Variants in ARAP2 observed in about 807,000 individuals in gnomAD.
ARAP2 encodes the protein ArfGAP with RhoGAP domain, ankyrin repeat and PH domain 2, also known as arf-GAP with Rho-GAP domain, ANK repeat and PH domain-containing protein 2.
Under a neutral mutation model 194.5 loss-of-function variants are expected in ARAP2, and 148 were observed. That is an observed-to-expected ratio of 0.76 (90% CI 0.67 to 0.87). The LOEUF is 0.87. ARAP2 is among the 40% of genes least tolerant of loss of function. The pLI, the probability that ARAP2 is intolerant of heterozygous loss-of-function variation, is 0.00. For missense variants in ARAP2, 2,128 were observed against 1,989.7 expected, an observed-to-expected ratio of 1.07 and a Z score of -1.32; for synonymous variants, 695 against 683.5, an observed-to-expected ratio of 1.02 and a Z score of -0.26.
chr4:36,234,990 A>T (rs1296072056), intron 1 of ARAP2, among the ~76,000 whole-genome samples: 1 of 152,214 alleles, frequency 6.6e-6, no homozygotes, highest in Non-Finnish European at 1.5e-5. Flanking sequence ...ACAAAAGGGA[A>T]GTAACATTTA....
intron 2 of ARAP2, among the ~76,000 whole-genome samples, chr4:36,216,440 C>CAAAT (rs1747956204): frequency 6.6e-6 from 1 of 151,936 alleles, no homozygotes; most frequent in Non-Finnish European, 1.5e-5. Flanking sequence ...AACAAACAAA[C>CAAAT]AAATATATAA....
At chr4:36,197,944 C>T (rs1236264788) in intron 6 of ARAP2, among the ~76,000 whole-genome samples, 2 of 27,752 alleles carry the variant, frequency 7.2e-5, no homozygotes, top group African/African-American at 2.0e-4. Flanking sequence ...CCCGAAGGGC[C>T]GCAGCTCTTC....
At chr4:36,109,013 CA>C (rs1349206130) in intron 26 of ARAP2, among the ~76,000 whole-genome samples, 1 of 151,880 alleles carries the variant, frequency 6.6e-6, no homozygotes, top group Non-Finnish European at 1.5e-5. Flanking sequence ...AAGAGCATAT[CA>C]AAAGCATCAT....
intron 5 of ARAP2, among the ~76,000 whole-genome samples, chr4:36,044,768 GA>G (rs1721518562): frequency 6.6e-6 from 1 of 151,888 alleles, no homozygotes; most frequent in South Asian, 2.1e-4. Context: ...ACAATCTATA[GA>G]ACAGGGGAAA....
At chr4:36,125,703 A>G (rs1723727593) in intron 21 of ARAP2, among the ~76,000 whole-genome samples, 1 of 151,988 alleles carries the variant, frequency 6.6e-6, no homozygotes, top group African/African-American at 2.4e-5. Flanking sequence ...GAAACCAGAG[A>G]CAGAAACCCC....
At chr4:36,064,547 A>G, downstream of ARAP2, among the ~76,000 whole-genome samples, 1 of 152,254 alleles carries the variant, frequency 6.6e-6, no homozygotes, top group East Asian at 1.9e-4. Flanking sequence ...ATGAATGGTG[A>G]GAGATTGAAG....
intron 32 of ARAP2, among the ~76,000 whole-genome samples, chr4:36,070,195 A>T (rs1406104189): frequency 6.6e-6 from 1 of 152,164 alleles, no homozygotes; most frequent in African/African-American, 2.4e-5. Flanking sequence ...AGGTGGGGAG[A>T]TGTGATAGAA....
Position 36,229,089 on chromosome 4 carries a change from C to T in ARAP2, c.398G>A (p.Ser133Asn). 1 of 1,614,048 alleles carries T rather than the reference C, an allele frequency of 6.2e-7. No homozygotes were observed. Among genetic ancestry groups the T allele is most frequent in the South Asian group, 1.1e-5 (1 of 91,076 alleles). ...TTGAGGATACTGGCTTCTTTCCACA[C>T]TTGCATCACTGTCTTCAAGATTTTT... is the stretch of plus-strand genomic sequence containing the variant. Reference protein sequence around the residue: ...VRKNLEDSDASVERSQYPQSD... With the variant: ...VRKNLEDSDANVERSQYPQSD... Residue 133 changes from serine (S) to asparagine (N), a missense_variant, in exon 2 of 33, where the codon AGT (serine) becomes AAT (asparagine). By Grantham distance (46) the Ser-to-Asn change is conservative. Coordinates refer to ENST00000303965, the MANE Select transcript of ARAP2 (RefSeq NM_015230.4).
At chr4:36,042,127 C>T (rs141660581) in intron 5 of ARAP2, among the ~76,000 whole-genome samples, 170 of 152,120 alleles carry the variant, frequency 1.1e-3, no homozygotes, top group Admixed American at 3.6e-3. Flanking sequence ...CCCCATGACA[C>T]GTTTACCTAT....
At chr4:36,037,481 A>T (rs1050379331) in intron 5 of ARAP2, among the ~76,000 whole-genome samples, 1 of 152,144 alleles carries the variant, frequency 6.6e-6, no homozygotes, top group Non-Finnish European at 1.5e-5. Context: ...AATTATAATC[A>T]TAAAATTGAT....
At chr4:36,239,508 T>C (rs900772493) in intron 1 of ARAP2, among the ~76,000 whole-genome samples, 1 of 152,214 alleles carries the variant, frequency 6.6e-6, no homozygotes, top group African/African-American at 2.4e-5. Flanking sequence ...AAGGTCATTA[T>C]GCTAAGTGAA....
chr4:36,123,375 T>C (rs1008670081), intron 22 of ARAP2, among the ~76,000 whole-genome samples: 1 of 151,812 alleles, frequency 6.6e-6, no homozygotes, highest in Admixed American at 6.6e-5. Flanking sequence ...TACTTCTCAA[T>C]CTTTTAAGGA....
intron 7 of ARAP2, among the ~76,000 whole-genome samples, chr4:36,192,437 A>G (rs1229259456): frequency 6.6e-6 from 1 of 152,100 alleles, no homozygotes; most frequent in East Asian, 1.9e-4. Context: ...AGGGAAAAAC[A>G]GTCCAGTTTG....
At chr4:36,179,239 T>A (rs1025400793) in intron 8 of ARAP2, among the ~76,000 whole-genome samples, 4 of 151,956 alleles carry the variant, frequency 2.6e-5, no homozygotes, top group Admixed American at 6.6e-5. Flanking sequence ...TAAAATACTG[T>A]GAAAATTGAA....
At chr4:36,082,726 T>G (rs1729857087) in intron 29 of ARAP2, among the ~76,000 whole-genome samples, 1 of 152,110 alleles carries the variant, frequency 6.6e-6, no homozygotes, top group African/African-American at 2.4e-5. Flanking sequence ...AGCAAGCACA[T>G]ATAAATGATG....
intron 2 of ARAP2, among the ~76,000 whole-genome samples, chr4:36,055,602 C>T (rs1026496150): frequency 6.6e-6 from 1 of 151,968 alleles, no homozygotes; most frequent in Non-Finnish European, 1.5e-5. Flanking sequence ...CTCACTCTGT[C>T]GCCCAGGCTG....
chr4:36,244,766 C>G (rs1321904441), upstream of ARAP2, among the ~76,000 whole-genome samples: 1 of 152,146 alleles, frequency 6.6e-6, no homozygotes, highest in Non-Finnish European at 1.5e-5. Flanking sequence ...CTTCCCGGGA[C>G]GGAGATGCCC....
At chr4:36,118,290 T>TAAAAAAAAAAAAAAAAAAATAA (rs71653572) in intron 24 of ARAP2, among the ~76,000 whole-genome samples, 1 of 119,636 alleles carries the variant, frequency 8.4e-6, no homozygotes, top group Non-Finnish European at 1.7e-5. Flanking sequence ...CTTAAAAAGT[T>TAAAAAAAAAAAAAAAAAAATAA]AAAAAAAAAA....
intron 20 of ARAP2, among the ~76,000 whole-genome samples, chr4:36,132,121 A>T (rs1039859436): frequency 4.0e-5 from 6 of 151,752 alleles, no homozygotes; most frequent in Admixed American, 6.6e-5. Flanking sequence ...CTTTATCCAT[A>T]TCATTAGTTC....
Sources: gnomAD v4.1 joint callset for allele counts (sites outside exome capture counted in the v4.1 genomes callset) on GRCh38, gnomAD v4.1.1 for gene constraint, MANE v1.5 for transcripts, NCBI Gene and HGNC (gene_info 2026-07-23, HGNC 2026-07-21) for gene names.